The following CD99L2 variants were observed in gnomAD, a reference collection of about 807,000 sequenced individuals.
CD99L2 encodes CD99 antigen-like protein 2.
In CD99L2, 24 loss-of-function variants were observed where a neutral mutation model predicts 27.3. The observed-to-expected ratio is 0.88, with a 90% CI of 0.64 to 1.24. The LOEUF (loss-of-function observed/expected upper bound fraction) is 1.24. Among genes scored for constraint, CD99L2 ranks in the 50% most tolerant of loss-of-function variants. The probability of loss-of-function intolerance (pLI) is 0.00; values close to 1 mark genes in which losing one functional copy is unlikely to be tolerated. For synonymous variants in CD99L2, 97 were observed against 87.9 expected, an observed-to-expected ratio of 1.10 and a Z score of -0.58; for missense variants, 255 against 221.6, an observed-to-expected ratio of 1.15 and a Z score of -0.96.
chrX:150,826,286 A>G (rs782610616), intron 2 of CD99L2, among the ~76,000 whole-genome samples: 74 of 111,694 alleles, frequency 6.6e-4, no homozygotes, highest in African/African-American at 2.3e-3. Context: ...TGGCAGCACA[A>G]ATGGACTAAT....
At chrX:150,792,313 ATG>A (rs1370626141) in intron 7 of CD99L2, among the ~76,000 whole-genome samples, 6 of 112,285 alleles carry the variant, frequency 5.3e-5, no homozygotes, top group Admixed American at 2.8e-4. Flanking sequence ...ACTTTCATTC[ATG>A]TGTGTGCTTA....
intron 7 of CD99L2, among the ~76,000 whole-genome samples, chrX:150,778,930 G>C (rs1193652851): frequency 9.0e-6 from 1 of 111,064 alleles, no homozygotes; most frequent in Non-Finnish European, 1.9e-5. Context: ...GGGTCACTGT[G>C]TGCAGCCAGA....
chrX:150,804,856 G>A (rs1557420189), intron 4 of CD99L2, among the ~76,000 whole-genome samples: 4 of 110,696 alleles, frequency 3.6e-5, no homozygotes, highest in African/African-American at 1.3e-4. Flanking sequence ...ACAAACTCCT[G>A]GAAAGATATA....
chrX:150,842,349 T>G (rs1373395963), intron 1 of CD99L2, among the ~76,000 whole-genome samples: 1 of 111,540 alleles, frequency 9.0e-6, no homozygotes, highest in African/African-American at 3.3e-5. Context: ...GACCTCATGT[T>G]GCAATTTGAC....
chrX:150,776,525 T>G (rs1229221590), intron 8 of CD99L2, among the ~76,000 whole-genome samples: 2 of 111,808 alleles, frequency 1.8e-5, no homozygotes, highest in Non-Finnish European at 3.8e-5. Flanking sequence ...TTGAGGAGCT[T>G]GAAAGGGAGA....
chrX:150,861,731 T>C (rs1425858595), intron 1 of CD99L2, among the ~76,000 whole-genome samples: 2 of 108,194 alleles, frequency 1.8e-5, no homozygotes, highest in Non-Finnish European at 3.8e-5. Flanking sequence ...TGAAACCCCG[T>C]CTCTACTAAA....
intron 1 of CD99L2, among the ~76,000 whole-genome samples, chrX:150,837,560 T>A (rs1343377867): frequency 8.9e-6 from 1 of 112,381 alleles, no homozygotes; most frequent in African/African-American, 3.2e-5. Context: ...GAAGTATTTT[T>A]AAAAATCACA....
chrX:150,897,609 G>A (rs1466782358), intron 1 of CD99L2, among the ~76,000 whole-genome samples: 1 of 111,378 alleles, frequency 9.0e-6, no homozygotes, highest in Non-Finnish European at 1.9e-5. Context: ...TTGTCAGGAA[G>A]CTTGGAGCAT....
chrX:150,811,681 AAC>A (rs2046074260), intron 4 of CD99L2, among the ~76,000 whole-genome samples: 1 of 112,174 alleles, frequency 8.9e-6, no homozygotes, highest in South Asian at 3.7e-4. Context: ...GTGCAACAAA[AAC>A]AGTTATATTC....
At chrX:150,870,641 C>T (rs782731203) in intron 1 of CD99L2, among the ~76,000 whole-genome samples, 9 of 111,031 alleles carry the variant, frequency 8.1e-5, no homozygotes, top group Non-Finnish European at 1.3e-4. Flanking sequence ...GTCCTCATCA[C>T]ATATTCCTCC....
rs187166318 is a variant in CD99L2 at position 150,835,400 on chromosome X, C to T, written c.68-4107G>A. 6.3e-5 allele frequency among the ~76,000 whole-genome samples: 7 copies of T among 111,478 alleles called. No homozygotes were observed. In the East Asian group the frequency reaches 1.7e-3, roughly 27 times the overall value. On this transcript the variant is annotated intron_variant, in intron 1 of 10. Transcript: ENST00000370377. Reference sequence around the variant, plus strand: ...TTTTTATTAGCCCGGCATGGTGGTGCACGCCTGTAGTCCCAATTACTTGGA... The same window carrying T: ...TTTTTATTAGCCCGGCATGGTGGTGTACGCCTGTAGTCCCAATTACTTGGA...
At chrX:150,798,240 GGAAGGA>G (rs1557419984) in intron 4 of CD99L2, among the ~76,000 whole-genome samples, 1 of 30,867 alleles carries the variant, frequency 3.2e-5, no homozygotes, top group African/African-American at 1.6e-4. Flanking sequence ...AAGGAAGGAA[GGAAGGA>G]AGGGAGGGAG....
rs1252547283 is a variant in CD99L2, at chrX:150,768,793, G to A, written c.*241C>T. The stretch of plus-strand genomic sequence containing the variant: ...GGGAGTTGGTGGCTCAGCAGCTCCC[G>A]AGGCTGGTGCTGGCTTTCTATCAGA... On this transcript the variant is annotated 3_prime_UTR_variant, in exon 11 of 11. Coordinates refer to ENST00000370377, the MANE Select transcript of CD99L2 (RefSeq NM_031462.4). The A allele has an allele frequency of 6.8e-6, 5 of 732,888 alleles. No homozygotes were observed. The highest frequency in any genetic ancestry group is 6.1e-5 in the South Asian group (1 of 16,298). The allele number at this position is 732,888 out of a possible 1,213,427, so 60.4% of individuals were successfully genotyped here.
intron 10 of CD99L2, among the ~76,000 whole-genome samples, chrX:150,769,675 GCC>G (rs2043388166): frequency 1.1e-5 from 1 of 90,946 alleles, no homozygotes; most frequent in Non-Finnish European, 1.9e-5. Flanking sequence ...TAGTCTCCCT[GCC>G]TGCGCCACCA....
intron 1 of CD99L2, among the ~76,000 whole-genome samples, chrX:150,857,391 G>A (rs1238323565): frequency 1.8e-5 from 2 of 109,996 alleles, no homozygotes; most frequent in East Asian, 2.8e-4. Flanking sequence ...CACCTATAAA[G>A]GAACCCCCAT....
chrX:150,771,317 G>A (rs1418670638), intron 9 of CD99L2, among the ~76,000 whole-genome samples: 10 of 113,001 alleles, frequency 8.8e-5, no homozygotes, highest in African/African-American at 3.2e-4. Flanking sequence ...AAATGGGCCT[G>A]TGGCAAATGC....
intron 1 of CD99L2, among the ~76,000 whole-genome samples, chrX:150,881,659 G>A (rs561733308): frequency 8.9e-6 from 1 of 111,987 alleles, no homozygotes; most frequent in African/African-American, 3.2e-5. Context: ...TTCTGGGGTG[G>A]TGCCACATTG....
At chrX:150,797,499 T>C (rs1170259162) in intron 4 of CD99L2, among the ~76,000 whole-genome samples, 2 of 112,471 alleles carry the variant, frequency 1.8e-5, no homozygotes, top group African/African-American at 3.2e-5. Flanking sequence ...CAATGCATAC[T>C]ATCTAAAGCA....
At chrX:150,837,266 TG>T (rs1227228915) in intron 1 of CD99L2, among the ~76,000 whole-genome samples, 4 of 110,453 alleles carry the variant, frequency 3.6e-5, no homozygotes, top group African/African-American at 1.3e-4. Flanking sequence ...TTTTTTTTTT[TG>T]AGACGGAGCT....
Sources: gnomAD v4.1 joint callset for allele counts (sites outside exome capture counted in the v4.1 genomes callset) on GRCh38, gnomAD v4.1.1 for gene constraint, MANE v1.5 for transcripts, NCBI Gene and HGNC (gene_info 2026-07-23, HGNC 2026-07-21) for gene names.